LYPLAL1: variants seen among roughly 807,000 people sequenced by gnomAD.
The protein encoded by LYPLAL1 is lysophospholipase like 1, also known as lysophospholipase-like protein 1.
LYPLAL1 carries 23 observed loss-of-function variants against 19.7 expected under a neutral mutation model. The observed-to-expected ratio is 1.17, with a 90% CI of 0.84 to 1.65. The LOEUF (loss-of-function observed/expected upper bound fraction) is 1.65. Ranked by LOEUF, LYPLAL1 falls within the 40% of genes most tolerant of loss-of-function variation. LYPLAL1 has a pLI of 0.00. For synonymous variants in LYPLAL1, 119 were observed against 96.3 expected (o/e 1.24, Z -1.38); for missense variants, 355 against 279.4 (o/e 1.27, Z -1.93).
At chr1:219,202,776 A>G (rs917533480) in intron 3 of LYPLAL1, among the ~76,000 whole-genome samples, 2 of 151,908 alleles carry the variant, frequency 1.3e-5, no homozygotes, top group Admixed American at 6.6e-5. Flanking sequence ...TCCTGGACTC[A>G]GTGATCCTCC....
chr1:219,289,642 T>C, the LYPLAL1 span, among the ~76,000 whole-genome samples: 1 of 152,220 alleles, frequency 6.6e-6, no homozygotes, highest in Non-Finnish European at 1.5e-5. Flanking sequence ...AAAATTACTC[T>C]CAGTCTTTTC....
chr1:219,440,446 A>G, the LYPLAL1 span, among the ~76,000 whole-genome samples: 2 of 152,126 alleles, frequency 1.3e-5, no homozygotes, highest in Non-Finnish European at 2.9e-5. Flanking sequence ...TTCATGTACC[A>G]TAGAGAAAAC....
At chr1:219,185,677 C>T (rs1181918260) in intron 2 of LYPLAL1, among the ~76,000 whole-genome samples, 3 of 151,810 alleles carry the variant, frequency 2.0e-5, no homozygotes, top group Non-Finnish European at 2.9e-5. Context: ...GGTAATGACT[C>T]GTCGTGTGAT....
At chr1:219,423,036 T>C in the LYPLAL1 span, among the ~76,000 whole-genome samples, 1 of 152,160 alleles carries the variant, frequency 6.6e-6, no homozygotes, top group Non-Finnish European at 1.5e-5. Flanking sequence ...GGAAAACCCC[T>C]GACCATACTT....
chr1:219,406,000 C>T, the LYPLAL1 span, among the ~76,000 whole-genome samples: 1 of 152,190 alleles, frequency 6.6e-6, no homozygotes, highest in East Asian at 1.9e-4. Flanking sequence ...GTCCCTTCCA[C>T]CTATTTTTCT....
the LYPLAL1 span, among the ~76,000 whole-genome samples, chr1:219,412,290 GTGC>G: frequency 6.6e-6 from 1 of 152,128 alleles, no homozygotes; most frequent in Admixed American, 6.5e-5. Flanking sequence ...GCCTCCCAAA[GTGC>G]TGAGATTACA....
chr1:219,300,367 A>G, the LYPLAL1 span, among the ~76,000 whole-genome samples: 39 of 152,234 alleles, frequency 2.6e-4, no homozygotes, highest in Admixed American at 9.8e-4. Context: ...ATGAAGAAGC[A>G]TGATTGTCTT....
chr1:219,297,465 G>C, the LYPLAL1 span, among the ~76,000 whole-genome samples: 2 of 152,184 alleles, frequency 1.3e-5, no homozygotes, highest in African/African-American at 4.8e-5. Context: ...TTTTGATGCT[G>C]TGTCTGTTTT....
downstream of LYPLAL1, among the ~76,000 whole-genome samples, chr1:219,216,026 T>C (rs1216229360): frequency 6.6e-6 from 1 of 152,092 alleles, no homozygotes; most frequent in African/African-American, 2.4e-5. Context: ...TTCCATATGG[T>C]GTCATTTTCC....
At chr1:219,419,594 C>CACACACACACACACACACAGAGAGAGAG in the LYPLAL1 span, among the ~76,000 whole-genome samples, 3 of 99,530 alleles carry the variant, frequency 3.0e-5, no homozygotes, top group Non-Finnish European at 4.0e-5. Flanking sequence ...CACACACACA[C>CACACACACACACACACACAGAGAGAGAG]AGAGAGAGAG....
the LYPLAL1 span, among the ~76,000 whole-genome samples, chr1:219,395,810 G>A: frequency 6.6e-6 from 1 of 151,998 alleles, no homozygotes; most frequent in Admixed American, 6.6e-5. Flanking sequence ...TGTAAGGAAG[G>A]GGTCCAGTTT....
At chr1:219,327,053 A>G in the LYPLAL1 span, among the ~76,000 whole-genome samples, 1 of 152,148 alleles carries the variant, frequency 6.6e-6, no homozygotes, top group Non-Finnish European at 1.5e-5. Context: ...GAGCCAAGAT[A>G]GCACCACTGC....
chr1:219,232,217 C>CTGGG, the LYPLAL1 span, among the ~76,000 whole-genome samples: 1 of 152,134 alleles, frequency 6.6e-6, no homozygotes, highest in South Asian at 2.1e-4. Context: ...AGATTTGAGA[C>CTGGG]CCCCAAACAA....
the LYPLAL1 span, among the ~76,000 whole-genome samples, chr1:219,229,333 G>C: frequency 3.1e-5 from 3 of 95,688 alleles, no homozygotes; most frequent in African/African-American, 1.0e-4. Context: ...GAGAGAGAGA[G>C]AGAGACACGC....
chr1:219,197,559 T>C (rs1259393415), intron 3 of LYPLAL1, among the ~76,000 whole-genome samples: 2 of 152,124 alleles, frequency 1.3e-5, no homozygotes, highest in East Asian at 1.9e-4. Context: ...ATTCACAACA[T>C]AGACATGGGC....
the LYPLAL1 span, among the ~76,000 whole-genome samples, chr1:219,396,169 C>G: frequency 6.6e-6 from 1 of 151,624 alleles, no homozygotes; most frequent in African/African-American, 2.4e-5. Context: ...GTTATCCCAG[C>G]ATCATTTATT....
chr1:219,387,559 G>T, the LYPLAL1 span, among the ~76,000 whole-genome samples: 2 of 152,170 alleles, frequency 1.3e-5, no homozygotes, highest in African/African-American at 2.4e-5. Context: ...ATCCCATGTG[G>T]CAAGCTTCAG....
chr1:219,404,435 T>C, the LYPLAL1 span, among the ~76,000 whole-genome samples: 37,112 of 152,206 alleles, frequency 0.24, 5,430 homozygotes, highest in East Asian at 0.53. Context: ...TTATTCTTAA[T>C]CATCTTTAAA....
the LYPLAL1 span, among the ~76,000 whole-genome samples, chr1:219,348,399 C>T: frequency 6.6e-6 from 1 of 152,214 alleles, no homozygotes; most frequent in African/African-American, 2.4e-5. Flanking sequence ...TGTAAATCTC[C>T]TTCATGGATC....
Sources: allele counts gnomAD v4.1 joint callset (sites outside exome capture counted in the v4.1 genomes callset), GRCh38; gene constraint gnomAD v4.1.1; transcripts MANE v1.5; gene names NCBI Gene and HGNC (gene_info 2026-07-23, HGNC 2026-07-21).